The following FAM228B variants were observed in gnomAD, a reference collection of about 807,000 sequenced individuals.
The protein encoded by FAM228B is protein FAM228B.
A neutral mutation model predicts 42.6 loss-of-function variants in FAM228B; 38 were observed. The ratio of observed to expected loss-of-function variants is 0.89; its 90% CI spans 0.69 to 1.17. The LOEUF (loss-of-function observed/expected upper bound fraction) is 1.17, where lower values mean the gene tolerates loss of function less well. Among genes scored for constraint, FAM228B ranks in the 50% most tolerant of loss-of-function variants. The pLI is 0.00. For missense variants in FAM228B, 344 were observed against 367.3 expected (o/e 0.94, Z 0.52); for synonymous variants, 109 against 122.3 (o/e 0.89, Z 0.72).
rs374735072 is a variant in FAM228B, at chr2:24,084,340, A to G, written c.-210+3385A>G. The G allele has an allele frequency of 1.4e-6, 2 of 1,476,438 alleles. No individual in the cohort carries two copies. Among genetic ancestry groups the G allele is most frequent in the Admixed American group, 1.8e-5 (1 of 56,668 alleles). The allele number at this position is 1,476,438 out of a possible 1,614,324, so 91.5% of individuals were successfully genotyped here. On this transcript the variant is annotated intron_variant, in intron 2 of 10. Coordinates refer to the FAM228B transcript ENST00000613899. This position sits in a 1 kb window ranked among gnomAD's most constrained non-coding sequence, Gnocchi z 8.4. Reference sequence around the variant, plus strand: ...CACGGCTAACATATTGTCTGAGGACACAGGGCAGGGCAGGGCAGGACAGGA... The same window carrying G: ...CACGGCTAACATATTGTCTGAGGACGCAGGGCAGGGCAGGGCAGGACAGGA...
chr2:24,121,099 G>C, upstream of FAM228B: 1 of 1,588,752 alleles, frequency 6.3e-7, no homozygotes, highest in Non-Finnish European at 8.6e-7. Flanking sequence ...ATCAGGCAGA[G>C]CAAGGAAATT....
At position 24,151,452 on chromosome 2, in the gene FAM228B, G is replaced by A. The variant is rs139663403; in HGVS notation, c.686+4366G>A. 3.3e-3 allele frequency among the ~76,000 whole-genome samples: 499 copies of A among 151,246 alleles called. 18 individuals are homozygous for A. In the East Asian group the frequency reaches 0.074, roughly 22 times the overall value. ...ACTACAGGCACCCACCACCACGTCC[G>A]GCTAATTTTTTGTATTTTTATTAGA... is the stretch of plus-strand genomic sequence containing the variant. On this transcript the variant is annotated intron_variant, in intron 7 of 10. Coordinates refer to ENST00000615575, the MANE Select transcript of FAM228B (RefSeq NM_001145710.2).
chr2:24,077,631 T>C lies in FAM228B; in HGVS notation c.-290+662T>C, dbSNP rs1197319108. The C allele has an allele frequency of 1.9e-5, 30 of 1,614,028 alleles. No individual in the cohort carries two copies. The highest frequency in any genetic ancestry group is 2.4e-5 in the Non-Finnish European group (28 of 1,179,998). ...GCCTATGTTCTTGTTGGCCTCCATGTACTTATGGGCCTCCTGGATTTCGGT... is the reference window on the plus strand; with the variant it reads ...GCCTATGTTCTTGTTGGCCTCCATGCACTTATGGGCCTCCTGGATTTCGGT... On this transcript the variant is annotated intron_variant, in intron 1 of 10. Transcript: ENST00000613899. The surrounding 1 kb of genome is among the most constrained non-coding windows in gnomAD (Gnocchi z 5.5).
At chr2:24,079,749 A>T (rs1342332972) in intron 1 of FAM228B, 1 of 1,073,228 alleles carries the variant, frequency 9.3e-7, no homozygotes, top group Non-Finnish European at 1.4e-6. Context: ...GTAAATCTAT[A>T]GGTTGGAATT....
chr2:24,097,559 G>A (rs888832650), intron 3 of FAM228B: 6 of 151,920 alleles, frequency 3.9e-5, no homozygotes, highest in African/African-American at 1.5e-4. Flanking sequence ...ATGGTAAAGG[G>A]ATCAATTCGC....
chr2:24,160,525 A>G (rs987368463), intron 7 of FAM228B, among the ~76,000 whole-genome samples: 6 of 151,704 alleles, frequency 4.0e-5, no homozygotes, highest in Non-Finnish European at 5.9e-5. Context: ...TCCTCTTTGT[A>G]TATATTTTCC....
At chr2:24,101,961 C>T (rs542603205) in intron 3 of FAM228B, among the ~76,000 whole-genome samples, 3 of 152,154 alleles carry the variant, frequency 2.0e-5, no homozygotes, top group African/African-American at 4.8e-5. Context: ...GGATTACAGG[C>T]GTGAGCTACC....
rs556624413 is a variant in FAM228B, at chr2:24,114,721, C to T, written c.-121+19492C>T. On this transcript the variant is annotated intron_variant, in intron 3 of 10. Transcript: ENST00000613899. ...GGATGTTGTCAGGGAAAAAAAGATGCATCATGTTTAGCAATAGTCAGTGTA... is the reference window on the plus strand; with the variant it reads ...GGATGTTGTCAGGGAAAAAAAGATGTATCATGTTTAGCAATAGTCAGTGTA... 3.9e-5 allele frequency among the ~76,000 whole-genome samples: 6 copies of T among 152,244 alleles called. No individual in the cohort carries two copies. In the East Asian group the frequency reaches 1.2e-3, roughly 29 times the overall value.
chr2:24,084,238 A>T lies in FAM228B; in HGVS notation c.-210+3283A>T. Reference sequence around the variant, plus strand: ...GGCGCTGGCCGCCACCTTCAGGAGGACTTCACCCTCCCCCGGGCTCGGCTT... The same window carrying T: ...GGCGCTGGCCGCCACCTTCAGGAGGTCTTCACCCTCCCCCGGGCTCGGCTT... On this transcript the variant is annotated intron_variant, in intron 2 of 10. Transcript: ENST00000613899. The surrounding 1 kb of genome is among the most constrained non-coding windows in gnomAD (Gnocchi z 8.4). 1 of 1,613,978 alleles carries T rather than the reference A, an allele frequency of 6.2e-7. No homozygotes were observed. Among genetic ancestry groups the T allele is most frequent in the Non-Finnish European group, 8.5e-7 (1 of 1,179,956 alleles).
intron 5 of FAM228B, among the ~76,000 whole-genome samples, chr2:24,146,107 G>C (rs1197496716): frequency 1.3e-5 from 2 of 152,142 alleles, no homozygotes; most frequent in Non-Finnish European, 1.5e-5. Flanking sequence ...AACTCTAATA[G>C]TCATGATGTG....
chr2:24,160,504 A>G (rs1171774273), intron 7 of FAM228B, among the ~76,000 whole-genome samples: 1 of 151,334 alleles, frequency 6.6e-6, no homozygotes, highest in Non-Finnish European at 1.5e-5. Context: ...TGTCCTTTAT[A>G]TTTTCCATTT....
chr2:24,119,437 G>T, upstream of FAM228B: 2 of 609,438 alleles, frequency 3.3e-6, no homozygotes, highest in Non-Finnish European at 5.8e-6. Context: ...TCCTTCCAGT[G>T]GCTATGTAAA....
At chr2:24,079,164 G>A (rs555346435) in intron 1 of FAM228B, 15 of 363,076 alleles carry the variant, frequency 4.1e-5, no homozygotes, top group Admixed American at 1.6e-4. Context: ...GGAACTACTC[G>A]AAATACTTCC....
At chr2:24,123,819 C>T (rs1666217933) in intron 1 of FAM228B, among the ~76,000 whole-genome samples, 1 of 152,072 alleles carries the variant, frequency 6.6e-6, no homozygotes, top group African/African-American at 2.4e-5. Flanking sequence ...GGAGTGGGCG[C>T]GATGAGCGAG....
chr2:24,138,148 G>A, intron 4 of FAM228B, 48 bp downstream of exon 4: 2 of 1,361,484 alleles, frequency 1.5e-6, no homozygotes, highest in Non-Finnish European at 2.0e-6. Context: ...TAGACCTAAT[G>A]TCATCTTTGT....
chr2:24,155,167 A>G (rs1667105753), intron 7 of FAM228B, among the ~76,000 whole-genome samples: 1 of 152,128 alleles, frequency 6.6e-6, no homozygotes, highest in African/African-American at 2.4e-5. Context: ...CAGTGATAAT[A>G]GGTTTAACTC....
intron 2 of FAM228B, among the ~76,000 whole-genome samples, chr2:24,092,353 T>C (rs1665410250): frequency 6.6e-6 from 1 of 151,632 alleles, no homozygotes; most frequent in Non-Finnish European, 1.5e-5. Context: ...GGTGTGTGGA[T>C]TATTTGAGGT....
At chr2:24,108,267 G>T (rs1665731061) in intron 3 of FAM228B, among the ~76,000 whole-genome samples, 1 of 152,014 alleles carries the variant, frequency 6.6e-6, no homozygotes, top group Admixed American at 6.6e-5. Context: ...TTCTGAAATT[G>T]AATTAGTAAT....
upstream of FAM228B, chr2:24,121,282 G>A (rs376361343): frequency 3.1e-5 from 50 of 1,614,006 alleles, no homozygotes; most frequent in East Asian, 2.2e-4. Context: ...ACCAGTGTTC[G>A]GACATCACTG....
Sources: allele counts gnomAD v4.1 joint callset (sites outside exome capture counted in the v4.1 genomes callset), GRCh38; gene constraint gnomAD v4.1.1; non-coding constraint Gnocchi (gnomAD v3.1); transcripts MANE v1.5; gene names NCBI Gene and HGNC (gene_info 2026-07-23, HGNC 2026-07-21).